The following MGLL variants were observed in gnomAD, a reference collection of about 807,000 sequenced individuals.
MGLL encodes lysophospholipase homolog.
A neutral mutation model predicts 29.1 loss-of-function variants in MGLL; 7 were observed. The observed-to-expected ratio is 0.24, with a 90% CI of 0.14 to 0.45. The LOEUF (loss-of-function observed/expected upper bound fraction) is 0.45. Among genes scored for constraint, MGLL ranks in the 20% least tolerant of loss-of-function variants. The pLI, the probability that MGLL is intolerant of heterozygous loss-of-function variation, is 0.99. For synonymous variants in MGLL, 148 were observed against 168.3 expected (o/e 0.88, Z 0.93); for missense variants, 356 against 413.6 (o/e 0.86, Z 1.21).
chr3:127,777,847 A>G (rs1470779944), intron 3 of MGLL, among the ~76,000 whole-genome samples: 1 of 152,262 alleles, frequency 6.6e-6, no homozygotes, highest in Non-Finnish European at 1.5e-5. Flanking sequence ...ATTAGAGATC[A>G]TATGAGAAAA....
intron 2 of MGLL, among the ~76,000 whole-genome samples, chr3:127,795,964 A>T (rs1052801469): frequency 2.0e-5 from 3 of 152,164 alleles, no homozygotes; most frequent in East Asian, 3.8e-4. Context: ...TTATTTATAC[A>T]TTGTATGTTT....
chr3:127,788,674 A>G (rs1350406028), intron 2 of MGLL, among the ~76,000 whole-genome samples: 1 of 152,112 alleles, frequency 6.6e-6, no homozygotes, highest in Non-Finnish European at 1.5e-5. Flanking sequence ...CGCACTCCGC[A>G]GTCCTTCCAC....
At chr3:127,729,219 T>C (rs2076102072) in intron 3 of MGLL, among the ~76,000 whole-genome samples, 1 of 152,212 alleles carries the variant, frequency 6.6e-6, no homozygotes, top group African/African-American at 2.4e-5. Context: ...GATAAAGGCC[T>C]TCCCCACTCC....
intron 5 of MGLL, 75 bp from the exon 6 acceptor site, chr3:127,710,740 C>G: frequency 7.7e-7 from 1 of 1,299,984 alleles, no homozygotes; most frequent in South Asian, 1.3e-5. Context: ...TGACAGTTTA[C>G]AGTACATTAA....
chr3:127,692,064 A>G lies in MGLL; in HGVS notation c.*134T>C, dbSNP rs530581319. ...ACAAAAATGTCTGTTATTTTTTAGA[A>G]AATTGTGCTAAGGATTTCTCCAATT... On this transcript the variant is annotated 3_prime_UTR_variant, in exon 8 of 8. Transcript: ENST00000265052. The G allele has an allele frequency of 2.0e-4, 250 of 1,268,474 alleles. 7 individuals are homozygous for G. The South Asian group carries it at 3.3e-3, about 17-fold the overall frequency. The allele number at this position is 1,268,474 out of a possible 1,614,324, so 78.6% of individuals were successfully genotyped here.
intron 6 of MGLL, among the ~76,000 whole-genome samples, chr3:127,709,572 G>A (rs16824401): frequency 0.14 from 21,672 of 152,100 alleles, 1,892 homozygotes; most frequent in East Asian, 0.29. Context: ...GGAAGTCTGG[G>A]AACATCCCCA....
chr3:127,822,208 T>C, intron 1 of MGLL, 101 bp downstream of exon 1: 2 of 1,347,268 alleles, frequency 1.5e-6, no homozygotes, highest in Non-Finnish European at 2.1e-6. Context: ...GACCCATCTA[T>C]CTTAAAATCT....
intron 3 of MGLL, among the ~76,000 whole-genome samples, chr3:127,731,508 C>A (rs1404695041): frequency 2.0e-5 from 3 of 152,244 alleles, no homozygotes; most frequent in East Asian, 3.9e-4. Flanking sequence ...GACAGTCCCA[C>A]CCCATCATGG....
intron 2 of MGLL, among the ~76,000 whole-genome samples, chr3:127,808,750 T>C (rs908710490): frequency 2.0e-5 from 3 of 152,204 alleles, no homozygotes; most frequent in Non-Finnish European, 4.4e-5. Context: ...TCCTGCTCAT[T>C]CCTGCCTCCA....
At chr3:127,753,640 C>G (rs888931387) in intron 3 of MGLL, among the ~76,000 whole-genome samples, 1 of 152,240 alleles carries the variant, frequency 6.6e-6, no homozygotes, top group African/African-American at 2.4e-5. Context: ...TAGCTGTGCA[C>G]AGACAGCATA....
At chr3:127,809,555 G>A (rs145348425) in intron 2 of MGLL, among the ~76,000 whole-genome samples, 2 of 152,204 alleles carry the variant, frequency 1.3e-5, no homozygotes, top group East Asian at 3.9e-4. Context: ...GAGCCCAGGA[G>A]TTGGAGACTG....
intron 6 of MGLL, among the ~76,000 whole-genome samples, chr3:127,702,938 G>T (rs556932014): frequency 3.9e-5 from 6 of 152,096 alleles, no homozygotes; most frequent in Non-Finnish European, 8.8e-5. Flanking sequence ...CAGGTGATCT[G>T]CCCACCTCGG....
chr3:127,718,085 A>G (rs1480724978), intron 5 of MGLL, among the ~76,000 whole-genome samples: 4 of 151,942 alleles, frequency 2.6e-5, no homozygotes, highest in Non-Finnish European at 5.9e-5. Context: ...GTTGAAAACC[A>G]GCATCCACAT....
intron 3 of MGLL, among the ~76,000 whole-genome samples, chr3:127,744,109 C>A (rs1356672644): frequency 1.3e-5 from 2 of 152,134 alleles, no homozygotes; most frequent in African/African-American, 4.8e-5. Flanking sequence ...TCTGGAAACA[C>A]ATTTCGACTC....
At chr3:127,809,429 A>T (rs1482201144) in intron 2 of MGLL, among the ~76,000 whole-genome samples, 1 of 152,104 alleles carries the variant, frequency 6.6e-6, no homozygotes. Flanking sequence ...AATTTGTGAC[A>T]TGCCTGGGCA....
intron 3 of MGLL, among the ~76,000 whole-genome samples, chr3:127,769,807 G>A (rs1384928823): frequency 6.6e-6 from 1 of 152,186 alleles, no homozygotes; most frequent in African/African-American, 2.4e-5. Context: ...CAGCCTCCCT[G>A]CCTCCACCCC....
At chr3:127,726,941 C>A (rs1161587105) in intron 3 of MGLL, among the ~76,000 whole-genome samples, 1 of 152,180 alleles carries the variant, frequency 6.6e-6, no homozygotes, top group Non-Finnish European at 1.5e-5. Flanking sequence ...ATATACAATC[C>A]AAATTCGAAT....
At chr3:127,769,407 T>G (rs1455197167) in intron 3 of MGLL, among the ~76,000 whole-genome samples, 1 of 151,322 alleles carries the variant, frequency 6.6e-6, no homozygotes, top group Non-Finnish European at 1.5e-5. Context: ...TTCCTACAAA[T>G]CAATTTTTAA....
chr3:127,803,740 G>T (rs561660498), intron 2 of MGLL, among the ~76,000 whole-genome samples: 1 of 152,204 alleles, frequency 6.6e-6, no homozygotes, highest in Non-Finnish European at 1.5e-5. Context: ...ATGAGTTAGG[G>T]AAGTTTGATG....
Sources: gnomAD v4.1 joint callset for allele counts (sites outside exome capture counted in the v4.1 genomes callset) on GRCh38, gnomAD v4.1.1 for gene constraint, MANE v1.5 for transcripts, NCBI Gene and HGNC (gene_info 2026-07-23, HGNC 2026-07-21) for gene names.